PCDHGA8: variants seen among roughly 807,000 people sequenced by gnomAD.
The protein encoded by PCDHGA8 is protocadherin gamma subfamily A, 8.
Under a neutral mutation model 59.2 loss-of-function variants are expected in PCDHGA8, and 45 were observed. The observed-to-expected ratio is 0.76, with a 90% CI of 0.60 to 0.98. The LOEUF is 0.98. PCDHGA8 is among the 50% of genes least tolerant of loss of function. PCDHGA8 has a pLI of 0.00. For synonymous variants in PCDHGA8, 531 were observed against 519.0 expected (o/e 1.02, Z -0.32); for missense variants, 1,257 against 1,196.2 (o/e 1.05, Z -0.75).
At chr5:141,404,875 C>A in intron 1 of PCDHGA8, 1 of 1,613,904 alleles carries the variant, frequency 6.2e-7, no homozygotes, top group Non-Finnish European at 8.5e-7. Context: ...TCAAACAGAG[C>A]CTTGTGGTGG....
intron 1 of PCDHGA8, chr5:141,409,668 A>G: frequency 6.2e-7 from 1 of 1,613,398 alleles, no homozygotes; most frequent in Non-Finnish European, 8.5e-7. Context: ...CACATCTCCT[A>G]CTCTATAGTG....
At position 141,487,100 on chromosome 5, in the gene PCDHGA8, C is replaced by T. The variant is rs183291629; in HGVS notation, c.2425-7707C>T. On this transcript the variant is annotated intron_variant, in intron 1 of 3. Coordinates refer to ENST00000398604, the MANE Select transcript of PCDHGA8 (RefSeq NM_032088.2). The surrounding 1 kb of genome is among the most constrained non-coding windows in gnomAD (Gnocchi z 5.0). ...CCCAGCTGACCTCCCACCACAGAAG[C>T]TGGTCATTGTGGTAAAGGATAGTGG... The T allele has an allele frequency of 5.6e-4, 909 of 1,614,074 alleles. 2 individuals carry two copies. Among genetic ancestry groups the T allele is most frequent in the Non-Finnish European group, 1.4e-4 (168 of 1,179,960 alleles).
At chr5:141,420,392 G>A (rs1480059498) in intron 1 of PCDHGA8, 2 of 1,268,940 alleles carry the variant, frequency 1.6e-6, no homozygotes, top group East Asian at 5.5e-5. Context: ...CAAAATATAG[G>A]TCAAATTTAT....
intron 2 of PCDHGA8, among the ~76,000 whole-genome samples, chr5:141,499,689 CTT>C (rs545067566): frequency 7.5e-5 from 9 of 119,852 alleles, no homozygotes; most frequent in African/African-American, 9.3e-5. Flanking sequence ...TAACAGATGA[CTT>C]TTTTTTTTTT....
chr5:141,399,465 G>C (rs770080703), intron 1 of PCDHGA8: 20 of 1,614,014 alleles, frequency 1.2e-5, no homozygotes, highest in Non-Finnish European at 1.7e-5. Flanking sequence ...ATAACGCTCC[G>C]GTTTTCCACC....
At chr5:141,465,657 G>A (rs904553709) in intron 1 of PCDHGA8, among the ~76,000 whole-genome samples, 4 of 152,130 alleles carry the variant, frequency 2.6e-5, no homozygotes, top group East Asian at 1.9e-4. Flanking sequence ...CCAAAAAAGC[G>A]CTTGCCATGA....
intron 1 of PCDHGA8, among the ~76,000 whole-genome samples, chr5:141,406,621 A>G (rs2094831746): frequency 6.6e-6 from 1 of 152,172 alleles, no homozygotes; most frequent in African/African-American, 2.4e-5. Flanking sequence ...TTTTATTCTC[A>G]TATCTTCAAA....
At chr5:141,453,042 A>G (rs2098754438) in intron 1 of PCDHGA8, among the ~76,000 whole-genome samples, 1 of 152,116 alleles carries the variant, frequency 6.6e-6, no homozygotes, top group Non-Finnish European at 1.5e-5. Context: ...GTTTGTTTCT[A>G]TTATGTGCAG....
At chr5:141,436,300 G>A (rs966232889) in intron 1 of PCDHGA8, among the ~76,000 whole-genome samples, 1 of 152,180 alleles carries the variant, frequency 6.6e-6, no homozygotes, top group African/African-American at 2.4e-5. Flanking sequence ...TTGAGAGTTA[G>A]AGCATGAATA....
chr5:141,453,288 A>G (rs931678565), intron 1 of PCDHGA8, among the ~76,000 whole-genome samples: 1 of 151,342 alleles, frequency 6.6e-6, no homozygotes, highest in Non-Finnish European at 1.5e-5. Context: ...TAATTTTTTA[A>G]TTATTTATTT....
rs756691407 is a variant in PCDHGA8, at chr5:141,393,944, A to G, written c.1131A>G (p.Gly377=). The change falls in exon 1 of 4, where the codon GGA becomes GGG. Residue 377 remains glycine (G), a synonymous_variant. Coordinates refer to ENST00000398604, the MANE Select transcript of PCDHGA8 (RefSeq NM_032088.2). ...TGAGTGTGCATGACCAAGACTCTGG[A>G]AAGAATGGTCAAGTTGTCTGTTACA... The part of the protein sequence containing the change: ...AFLSVHDQDS[G]KNGQVVCYTR... The G allele has an allele frequency of 1.9e-6, 3 of 1,613,998 alleles. No individual in the cohort carries two copies. Among genetic ancestry groups the G allele is most frequent in the South Asian group, 1.1e-5 (1 of 91,078 alleles).
At chr5:141,488,348 C>T (rs1231687770) in intron 1 of PCDHGA8, among the ~76,000 whole-genome samples, 1 of 152,106 alleles carries the variant, frequency 6.6e-6, no homozygotes, top group Non-Finnish European at 1.5e-5. Flanking sequence ...TAGAAACAGC[C>T]ACCCTGTGCA....
At chr5:141,473,033 G>GGAAA (rs1282468299) in intron 1 of PCDHGA8, among the ~76,000 whole-genome samples, 1 of 146,284 alleles carries the variant, frequency 6.8e-6, no homozygotes, top group African/African-American at 2.5e-5. Flanking sequence ...AAGGAAGGAA[G>GGAAA]GAAAGAAAGA....
Position 141,476,755 on chromosome 5 carries a change from G to A in PCDHGA8, c.2425-18052G>A, listed in dbSNP as rs1307512875. The stretch of plus-strand genomic sequence containing the variant: ...AACGGGAGCCTAGTCTCCAGTTAGT[G>A]CTGACGGCGTTGGACGGAGGGACCC... On this transcript the variant is annotated intron_variant, in intron 1 of 3. Coordinates refer to ENST00000398604, the MANE Select transcript of PCDHGA8 (RefSeq NM_032088.2). This position sits in a 1 kb window ranked among gnomAD's most constrained non-coding sequence, Gnocchi z 7.6. 1.2e-6 allele frequency: 2 copies of A among 1,613,828 alleles called. No homozygotes were observed. Among genetic ancestry groups the A allele is most frequent in the Non-Finnish European group, 1.7e-6 (2 of 1,180,036 alleles).
chr5:141,474,955 T>C (rs2099356879), intron 1 of PCDHGA8, among the ~76,000 whole-genome samples: 1 of 152,254 alleles, frequency 6.6e-6, no homozygotes, highest in African/African-American at 2.4e-5. Context: ...TTTTATTCAC[T>C]ATCCTAATCA....
rs1562065751 is a variant in PCDHGA8, at chr5:141,477,907, C to T, written c.2425-16900C>T. The T allele has an allele frequency of 1.9e-6, 3 of 1,614,164 alleles. No homozygotes were observed. The highest frequency in any genetic ancestry group is 2.2e-5 in the East Asian group (1 of 44,872). ...TAGTGTCACGGGTGGTAGGCTGGGA[C>T]GCGGATGCAGGGCACAATGCCTGGC... On this transcript the variant is annotated intron_variant, in intron 1 of 3. Transcript: ENST00000398604. This position sits in a 1 kb window ranked among gnomAD's most constrained non-coding sequence, Gnocchi z 4.9.
intron 1 of PCDHGA8, chr5:141,422,834 G>A (rs1450583869): frequency 3.1e-6 from 5 of 1,614,230 alleles, no homozygotes; most frequent in East Asian, 2.2e-5. Context: ...GTGATAGCAC[G>A]TGACAGCGGG....
rs2096651086 is a variant in PCDHGA8 at position 141,422,486 on chromosome 5, A to G, written c.2424+27249A>G. Reference sequence around the variant, plus strand: ...GACAGGGAGTTGGTCCAGAGCTACAATATAACGTTGACAGCCACAGACCAG... The same window carrying G: ...GACAGGGAGTTGGTCCAGAGCTACAGTATAACGTTGACAGCCACAGACCAG... On this transcript the variant is annotated intron_variant, in intron 1 of 3. Coordinates refer to ENST00000398604, the MANE Select transcript of PCDHGA8 (RefSeq NM_032088.2). The G allele has an allele frequency of 1.2e-6, 2 of 1,613,852 alleles. No individual in the cohort carries two copies. The highest frequency in any genetic ancestry group is 1.3e-5 in the African/African-American group (1 of 74,924).
At chr5:141,453,420 C>A (rs2098764964) in intron 1 of PCDHGA8, among the ~76,000 whole-genome samples, 1 of 152,054 alleles carries the variant, frequency 6.6e-6, no homozygotes, top group African/African-American at 2.4e-5. Context: ...GCATAAGCCA[C>A]CACACCTAGC....
Sources: allele counts gnomAD v4.1 joint callset (sites outside exome capture counted in the v4.1 genomes callset), GRCh38; gene constraint gnomAD v4.1.1; non-coding constraint Gnocchi (gnomAD v3.1); transcripts MANE v1.5; gene names NCBI Gene and HGNC (gene_info 2026-07-23, HGNC 2026-07-21).